RBMS1: variants seen among roughly 807,000 people sequenced by gnomAD.
The protein encoded by RBMS1 is RNA-binding motif, single-stranded-interacting protein 1.
In RBMS1, 17 loss-of-function variants were observed where a neutral mutation model predicts 62.3. That is an observed-to-expected ratio of 0.27 (90% CI 0.19 to 0.41). The LOEUF (loss-of-function observed/expected upper bound fraction) is 0.41. Among genes scored for constraint, RBMS1 ranks in the 10% least tolerant of loss-of-function variants. The pLI is 1.00. For missense variants in RBMS1, 334 were observed against 504.5 expected (o/e 0.66, Z 3.24); for synonymous variants, 172 against 170.0 (o/e 1.01, Z -0.09).
At chr2:160,424,473 T>C (rs1332663349) in intron 1 of RBMS1, among the ~76,000 whole-genome samples, 1 of 152,140 alleles carries the variant, frequency 6.6e-6, no homozygotes, top group Non-Finnish European at 1.5e-5. Flanking sequence ...AGAAGCACGT[T>C]TTCTCTCATG....
intron 10 of RBMS1, 25 bp downstream of exon 10, chr2:160,281,289 A>G: frequency 1.3e-6 from 2 of 1,574,070 alleles, no homozygotes; most frequent in Non-Finnish European, 1.7e-6. Context: ...TGTAAAACAC[A>G]AAGTCATTAA....
intron 1 of RBMS1, among the ~76,000 whole-genome samples, chr2:160,455,775 C>T (rs1684198066): frequency 6.6e-6 from 1 of 151,144 alleles, no homozygotes; most frequent in African/African-American, 2.4e-5. Flanking sequence ...GCTCCGCCTC[C>T]CGGGTTCACG....
intron 6 of RBMS1, among the ~76,000 whole-genome samples, chr2:160,297,567 A>C (rs1381266999): frequency 6.6e-6 from 1 of 152,258 alleles, no homozygotes; most frequent in Non-Finnish European, 1.5e-5. Flanking sequence ...TGACACATGT[A>C]AACATGTTAA....
intron 2 of RBMS1, among the ~76,000 whole-genome samples, chr2:160,363,906 G>GA (rs375573543): frequency 6.0e-5 from 9 of 149,122 alleles, no homozygotes; most frequent in African/African-American, 1.5e-4. Context: ...GGATGAGAGT[G>GA]AAAAAAAAAG....
At position 160,415,913 on chromosome 2, in the gene RBMS1, C is replaced by T. The variant is rs114596930; in HGVS notation, c.76-48522G>A. 4.5e-3 allele frequency among the ~76,000 whole-genome samples: 688 copies of T among 151,754 alleles called. 8 individuals are homozygous for T. Among genetic ancestry groups the T allele is most frequent in the African/African-American group, 0.016 (663 of 41,330 alleles). On this transcript the variant is annotated intron_variant, in intron 1 of 13. Coordinates refer to ENST00000348849, the MANE Select transcript of RBMS1 (RefSeq NM_016836.4). ...AATACTGAAAAGCCTTTCATTCTCC[C>T]CTGAATTATAAAGGTTCAAATAAGA...
At chr2:160,341,001 T>C (rs566637462) in intron 2 of RBMS1, among the ~76,000 whole-genome samples, 2 of 152,290 alleles carry the variant, frequency 1.3e-5, no homozygotes, top group East Asian at 3.9e-4. Context: ...TCCCCTTTTA[T>C]AAAATGTTCT....
At chr2:160,445,635 G>A (rs1201210546) in intron 1 of RBMS1, among the ~76,000 whole-genome samples, 2 of 152,220 alleles carry the variant, frequency 1.3e-5, no homozygotes, top group African/African-American at 4.8e-5. Context: ...CATGTTGTAA[G>A]TGAAGGCCTT....
intron 4 of RBMS1, among the ~76,000 whole-genome samples, chr2:160,310,678 G>A (rs1689802711): frequency 6.6e-6 from 1 of 150,622 alleles, no homozygotes. Context: ...AACGGACAGT[G>A]GGGGAAAGAA....
intron 4 of RBMS1, among the ~76,000 whole-genome samples, chr2:160,303,703 G>A (rs1689336410): frequency 6.6e-6 from 1 of 152,180 alleles, no homozygotes; most frequent in African/African-American, 2.4e-5. Context: ...CTTCTTAGCA[G>A]ATCTGGAAAT....
intron 6 of RBMS1, among the ~76,000 whole-genome samples, chr2:160,291,997 T>C (rs1688704417): frequency 6.6e-6 from 1 of 152,238 alleles, no homozygotes; most frequent in Admixed American, 6.5e-5. Context: ...TTCTACCATT[T>C]ATGTTGTGGG....
At chr2:160,320,966 A>C (rs1208323386) in intron 2 of RBMS1, among the ~76,000 whole-genome samples, 1 of 151,992 alleles carries the variant, frequency 6.6e-6, no homozygotes, top group Non-Finnish European at 1.5e-5. Flanking sequence ...ATTTGGGGTA[A>C]GGAGATTGAG....
chr2:160,321,698 T>C (rs1376481354), intron 2 of RBMS1, among the ~76,000 whole-genome samples: 1 of 152,164 alleles, frequency 6.6e-6, no homozygotes, highest in Non-Finnish European at 1.5e-5. Context: ...TCACTAGCAC[T>C]CACTCTCCCA....
chr2:160,377,504 T>G (rs1287889629), intron 1 of RBMS1, among the ~76,000 whole-genome samples: 5 of 152,218 alleles, frequency 3.3e-5, no homozygotes, highest in Non-Finnish European at 5.9e-5. Flanking sequence ...TCCTGGTCTG[T>G]GTGAATGAAT....
intron 1 of RBMS1, among the ~76,000 whole-genome samples, chr2:160,430,647 C>T (rs1010146058): frequency 6.6e-6 from 1 of 152,098 alleles, no homozygotes; most frequent in Non-Finnish European, 1.5e-5. Flanking sequence ...ATTTATTTTT[C>T]TATTAGTCCT....
chr2:160,275,096 G>A (rs1208804662), intron 13 of RBMS1, among the ~76,000 whole-genome samples: 1 of 152,080 alleles, frequency 6.6e-6, no homozygotes, highest in African/African-American at 2.4e-5. Flanking sequence ...CAGAAACCAG[G>A]GTATTCTAAG....
chr2:160,371,729 A>G (rs1395900659), intron 1 of RBMS1, among the ~76,000 whole-genome samples: 1 of 152,120 alleles, frequency 6.6e-6, no homozygotes, highest in African/African-American at 2.4e-5. Flanking sequence ...CCGTATGGAC[A>G]GCACTCAGAG....
At chr2:160,417,880 G>C (rs1231507913) in intron 1 of RBMS1, among the ~76,000 whole-genome samples, 1 of 152,180 alleles carries the variant, frequency 6.6e-6, no homozygotes, top group East Asian at 1.9e-4. Context: ...CATATGCTCA[G>C]TTTTTCCAAG....
At chr2:160,339,269 G>A (rs1387549218) in intron 2 of RBMS1, among the ~76,000 whole-genome samples, 1 of 152,118 alleles carries the variant, frequency 6.6e-6, no homozygotes, top group Non-Finnish European at 1.5e-5. Context: ...TGAAACAAAT[G>A]TTTTCATTTT....
At chr2:160,431,468 G>A (rs895407300) in intron 1 of RBMS1, among the ~76,000 whole-genome samples, 2 of 152,104 alleles carry the variant, frequency 1.3e-5, no homozygotes, top group Non-Finnish European at 2.9e-5. Context: ...ATAGAGGCTG[G>A]AAGCCAGGAA....
Sources: allele counts gnomAD v4.1 joint callset (sites outside exome capture counted in the v4.1 genomes callset), GRCh38; gene constraint gnomAD v4.1.1; transcripts MANE v1.5; gene names NCBI Gene and HGNC (gene_info 2026-07-23, HGNC 2026-07-21).